Variants in SERPINB11 observed in about 807,000 individuals in gnomAD.
The protein encoded by SERPINB11 is serpin family B member 11.
In SERPINB11, 32 loss-of-function variants were observed where a neutral mutation model predicts 36.7. The observed-to-expected ratio is 0.87, with a 90% confidence interval of 0.66 to 1.17. SERPINB11 has a LOEUF of 1.17. Among genes scored for constraint, SERPINB11 ranks in the 50% most tolerant of loss-of-function variants. The pLI is 0.00. For missense variants in SERPINB11, 528 were observed against 458.4 expected (o/e 1.15, Z -1.39); for synonymous variants, 174 against 168.1 (o/e 1.04, Z -0.27).
chr18:63,722,998 G>C lies in SERPINB11; in HGVS notation c.778G>C (p.Glu260Gln). ...PVGIANLKQIEKQLNSGTFHE... is the reference protein window; with the variant it reads ...PVGIANLKQIQKQLNSGTFHE... The stretch of plus-strand genomic sequence containing the variant: ...TTGTCTGTGTTTTGTCTCTTAGATA[G>C]AAAAGCAGCTGAATTCGGGGACGTT... Residue 260 changes from glutamate (E) to glutamine (Q), a missense_variant, in exon 8 of 8, where the codon GAA (glutamate) becomes CAA (glutamine). Coordinates refer to ENST00000544088, the MANE Select transcript of SERPINB11 (RefSeq NM_001370475.1). 6.4e-7 allele frequency: 1 copy of C among 1,566,254 alleles called. No homozygotes were observed. The highest frequency in any genetic ancestry group is 8.6e-7 in the Non-Finnish European group (1 of 1,160,296).
chr18:63,712,689 A>T lies in SERPINB11; in HGVS notation c.353A>T (p.His118Leu). ...TACGGGACAAAGACGATGGCATTTC[A>T]TCAGGTAAGTCCATTTGGAAGAGTG... Reference protein sequence around the residue: ...RLYGTKTMAFHQQYLSCSEKW... With the variant: ...RLYGTKTMAFLQQYLSCSEKW... The change falls in exon 4 of 8, where the codon CAT becomes CTT. Residue 118 changes from histidine (H) to leucine (L), a missense_variant. Physicochemically the swap from His to Leu is moderately conservative, Grantham distance 99. Coordinates refer to ENST00000544088, the MANE Select transcript of SERPINB11 (RefSeq NM_001370475.1). 2 of 1,613,392 alleles carry T rather than the reference A, an allele frequency of 1.2e-6. No individual in the cohort carries two copies. The highest frequency in any genetic ancestry group is 1.7e-6 in the Non-Finnish European group (2 of 1,179,556).
chr18:63,716,130 T>C lies in SERPINB11; in HGVS notation c.453T>C (p.Ala151=). 6.2e-7 allele frequency: 1 copy of C among 1,605,886 alleles called. No homozygotes were observed. Among genetic ancestry groups the C allele is most frequent in the Non-Finnish European group, 8.5e-7 (1 of 1,174,078 alleles). Residue 151 remains alanine (A), a synonymous_variant, in exon 5 of 8, where the codon GCT becomes GCC. Transcript: ENST00000544088. ...AAGAAACGAGGAAAACGATTAATGCTTGGGTTGAAAATAAAACTAATGGTA... is the reference window on the plus strand; with the variant it reads ...AAGAAACGAGGAAAACGATTAATGCCTGGGTTGAAAATAAAACTAATGGTA... ...STEETRKTIN[A]WVENKTNGKV... is the part of the protein sequence containing the mutation.
chr18:63,706,917 T>C (rs1228331236), intron 1 of SERPINB11, among the ~76,000 whole-genome samples: 3 of 152,096 alleles, frequency 2.0e-5, no homozygotes, highest in African/African-American at 4.8e-5. Flanking sequence ...GCAGCTGCAG[T>C]AGTAGACACA....
Position 63,720,084 on chromosome 18 carries a change from T to A in SERPINB11, c.547T>A (p.Tyr183Asn). 1 of 1,610,424 alleles carries A rather than the reference T, an allele frequency of 6.2e-7. No individual in the cohort carries two copies. Among genetic ancestry groups the A allele is most frequent in the Non-Finnish European group, 8.5e-7 (1 of 1,177,084 alleles). Residue 183 changes from tyrosine to asparagine, a missense_variant, in exon 6 of 8, where the codon TAT becomes AAT. Tyr to Asn is a moderately radical substitution (Grantham distance 143). Coordinates refer to ENST00000544088, the MANE Select transcript of SERPINB11 (RefSeq NM_001370475.1). ...SSVMVLVNAIYFKGQWQNKFQ... is the reference protein window; with the variant it reads ...SSVMVLVNAINFKGQWQNKFQ... The stretch of plus-strand genomic sequence containing the variant: ...TGTAATGGTCCTGGTGAATGCCATA[T>A]ATTTCAAAGGACAATGGCAAAATAA...
At chr18:63,717,837 A>G (rs1164754459) in intron 5 of SERPINB11, among the ~76,000 whole-genome samples, 2 of 152,024 alleles carry the variant, frequency 1.3e-5, no homozygotes, top group East Asian at 1.9e-4. Context: ...TCAAAGGAAT[A>G]AAATTTATGA....
rs771255779 is a variant in SERPINB11 at position 63,710,210 on chromosome 18, C to T, written c.17C>T (p.Thr6Ile). The T allele has an allele frequency of 1.5e-5, 24 of 1,610,758 alleles. No individual in the cohort carries two copies. Among genetic ancestry groups the T allele is most frequent in the Non-Finnish European group, 1.9e-5 (22 of 1,178,638 alleles). Residue 6 changes from threonine to isoleucine, a missense_variant, in exon 2 of 8, where the codon ACA (threonine) becomes ATA (isoleucine). By Grantham distance (89) the Thr-to-Ile change is moderately conservative. Coordinates refer to ENST00000544088, the MANE Select transcript of SERPINB11 (RefSeq NM_001370475.1). MGSLS[T>I]ANVEFCLDVF... ...GGCATAAAAATGGGTTCTCTCAGCA[C>T]AGCTAACGTTGAATTTTGCCTTGAT...
intron 6 of SERPINB11, chr18:63,720,477 TA>T (rs1318346245): frequency 6.0e-6 from 2 of 332,890 alleles, no homozygotes; most frequent in African/African-American, 4.3e-5. Flanking sequence ...CTATCTGTGT[TA>T]TTTTTTTTTC....
At chr18:63,718,150 T>G (rs1340841671) in intron 5 of SERPINB11, among the ~76,000 whole-genome samples, 1 of 152,028 alleles carries the variant, frequency 6.6e-6, no homozygotes, top group Non-Finnish European at 1.5e-5. Flanking sequence ...TTCTCTTTCA[T>G]TCGTCAATTT....
intron 1 of SERPINB11, among the ~76,000 whole-genome samples, chr18:63,703,745 AT>A (rs1423675397): frequency 5.3e-5 from 8 of 152,136 alleles, no homozygotes; most frequent in Admixed American, 5.2e-4. Context: ...TTGGAGATGT[AT>A]TTCCCCCAAA....
At chr18:63,703,096 G>C (rs1189653912) in intron 1 of SERPINB11, 90 bp downstream of exon 1, 2 of 152,178 alleles carry the variant, frequency 1.3e-5, no homozygotes, top group Non-Finnish European at 2.9e-5. Flanking sequence ...CATTTGGACA[G>C]GTTGCATAAT....
At chr18:63,705,791 G>A (rs1388290093) in intron 1 of SERPINB11, 1 of 152,162 alleles carries the variant, frequency 6.6e-6, no homozygotes, top group African/African-American at 2.4e-5. Context: ...ATAAATTCAC[G>A]TTACTTTCCA....
chr18:63,711,538 C>A, intron 3 of SERPINB11, 144 bp downstream of exon 3: 1 of 633,246 alleles, frequency 1.6e-6, no homozygotes. Flanking sequence ...CTGATGATAA[C>A]TACAGCCTGT....
chr18:63,710,471 G>A, intron 2 of SERPINB11, 110 bp downstream of exon 2: 3 of 785,124 alleles, frequency 3.8e-6, no homozygotes, highest in Non-Finnish European at 5.8e-6. Flanking sequence ...CATCTTGAGA[G>A]AGAAAAAACA....
chr18:63,715,959 G>T, intron 4 of SERPINB11, 76 bp from the exon 5 acceptor site: 1 of 839,364 alleles, frequency 1.2e-6, no homozygotes, highest in South Asian at 1.7e-5. Flanking sequence ...TAGAATTTTA[G>T]AATACATTGA....
chr18:63,716,014 C>T, intron 4 of SERPINB11, 21 bp from the exon 5 acceptor site: 1 of 1,478,290 alleles, frequency 6.8e-7, no homozygotes, highest in Non-Finnish European at 9.4e-7. Flanking sequence ...AATTGTTGTT[C>T]AATTATCATG....
chr18:63,716,230 G>A (rs1355967112), intron 5 of SERPINB11, 78 bp downstream of exon 5: 1 of 879,642 alleles, frequency 1.1e-6, no homozygotes. Flanking sequence ...TAAAGAGGAA[G>A]CTGGCTGAAG....
rs17071550 is a variant in SERPINB11, at chr18:63,716,120, C to T, written c.443C>T (p.Thr148Met). 264,632 of 1,604,436 alleles carry T rather than the reference C, an allele frequency of 0.16. 22,660 individuals are homozygous for T. The highest frequency in any genetic ancestry group is 0.22 in the Middle Eastern group (1,339 of 6,026). Residue 148 changes from threonine to methionine, a missense_variant, in exon 5 of 8, where the codon ACG becomes ATG. Transcript: ENST00000544088. ...FEQSTEETRK[T>M]INAWVENKTN... ...CAGTCTACAGAAGAAACGAGGAAAA[C>T]GATTAATGCTTGGGTTGAAAATAAA...
intron 7 of SERPINB11, among the ~76,000 whole-genome samples, chr18:63,721,962 C>G (rs1465172867): frequency 6.6e-6 from 1 of 152,006 alleles, no homozygotes; most frequent in Non-Finnish European, 1.5e-5. Context: ...AGTTTAGATT[C>G]TGCAGAAAGT....
intron 1 of SERPINB11, among the ~76,000 whole-genome samples, chr18:63,709,393 C>T (rs762262041): frequency 7.2e-5 from 11 of 152,166 alleles, no homozygotes; most frequent in African/African-American, 2.4e-4. Context: ...GGGTGGATCA[C>T]GAGGTCAGGA....
Sources: allele counts gnomAD v4.1 joint callset (sites outside exome capture counted in the v4.1 genomes callset), GRCh38; gene constraint gnomAD v4.1.1; transcripts MANE v1.5; gene names NCBI Gene and HGNC (gene_info 2026-07-23, HGNC 2026-07-21).